CDCA2: variants seen among roughly 807,000 people sequenced by gnomAD.
CDCA2 encodes cell division cycle-associated protein 2.
A neutral mutation model predicts 67.0 loss-of-function variants in CDCA2; 44 were observed. That is an observed-to-expected ratio of 0.66 (90% confidence interval 0.52 to 0.84). The LOEUF is 0.84. Ranked by LOEUF, CDCA2 falls within the 40% of genes least tolerant of loss-of-function variation. The pLI, the probability that CDCA2 is intolerant of heterozygous loss-of-function variation, is 0.00. For synonymous variants in CDCA2, 447 were observed against 418.7 expected (o/e 1.07, Z -0.82); for missense variants, 1,253 against 1,203.2 (o/e 1.04, Z -0.61).
intron 4 of CDCA2, among the ~76,000 whole-genome samples, chr8:25,462,556 G>GCA: frequency 6.6e-6 from 1 of 152,016 alleles, no homozygotes; most frequent in Non-Finnish European, 1.5e-5. Flanking sequence ...AACCTGGGAG[G>GCA]CAGAGGTTGC....
At chr8:25,487,376 G>C in intron 12 of CDCA2, 42 bp downstream of exon 12, 3 of 1,294,304 alleles carry the variant, frequency 2.3e-6, no homozygotes, top group Middle Eastern at 1.9e-4. Context: ...TTTTTAAATC[G>C]TGCAATATAC....
chr8:25,500,058 T>C (rs1804410701), intron 13 of CDCA2, among the ~76,000 whole-genome samples: 2 of 152,202 alleles, frequency 1.3e-5, no homozygotes, highest in South Asian at 4.1e-4. Context: ...GGTAATATAC[T>C]TCTCTTGGCC....
chr8:25,498,072 G>A (rs1804306818), intron 13 of CDCA2, among the ~76,000 whole-genome samples: 1 of 152,170 alleles, frequency 6.6e-6, no homozygotes, highest in Non-Finnish European at 1.5e-5. Flanking sequence ...TGGTATGTGT[G>A]GAGATCTTAT....
intron 7 of CDCA2, among the ~76,000 whole-genome samples, chr8:25,472,685 T>C (rs1803204313): frequency 6.6e-6 from 1 of 152,250 alleles, no homozygotes; most frequent in Non-Finnish European, 1.5e-5. Flanking sequence ...TAGTGTGTCA[T>C]GTAATTGTTT....
chr8:25,505,084 G>C (rs1804624876), intron 14 of CDCA2, among the ~76,000 whole-genome samples: 1 of 152,122 alleles, frequency 6.6e-6, no homozygotes, highest in Non-Finnish European at 1.5e-5. Flanking sequence ...AAGCAATTCA[G>C]CTCCTTGCTT....
intron 7 of CDCA2, among the ~76,000 whole-genome samples, chr8:25,477,284 C>G (rs1309971833): frequency 6.6e-6 from 1 of 152,206 alleles, no homozygotes. Flanking sequence ...GGATGTCATT[C>G]TCATTTTCCC....
intron 13 of CDCA2, among the ~76,000 whole-genome samples, chr8:25,497,493 AAAAAATAAAAAAT>A (rs1481946574): frequency 1.7e-4 from 1 of 6,000 alleles, no homozygotes; most frequent in Non-Finnish European, 5.0e-3. Context: ...TGGAATCTTT[AAAAAATAAAAAAT>A]AAAAAAAAAA....
rs1433902841 is a variant in CDCA2, at chr8:25,506,912, T to A, written c.2246T>A (p.Leu749His). 1 of 1,612,620 alleles carries A rather than the reference T, an allele frequency of 6.2e-7. No individual in the cohort carries two copies. The highest frequency in any genetic ancestry group is 1.3e-5 in the African/African-American group (1 of 74,822). ...GCTGGTGGTCAAAATGCAGAAAACC[T>A]TTGTCAGTTCTTTAAAATTTCACCA... Reference protein sequence around the residue: ...FSAGGQNAENLCQFFKISPDL... With the variant: ...FSAGGQNAENHCQFFKISPDL... The change falls in exon 15 of 15, where the codon CTT becomes CAT. Residue 749 changes from leucine (L) to histidine (H), a missense_variant. Coordinates refer to ENST00000330560, the MANE Select transcript of CDCA2 (RefSeq NM_152562.4).
chr8:25,503,593 C>T, intron 14 of CDCA2, 49 bp downstream of exon 14: 1 of 1,527,694 alleles, frequency 6.5e-7, no homozygotes, highest in Non-Finnish European at 8.8e-7. Flanking sequence ...TCTCTTCACC[C>T]TCTTTGTTGC....
chr8:25,470,233 T>G (rs1280811990), intron 7 of CDCA2, among the ~76,000 whole-genome samples: 2 of 152,212 alleles, frequency 1.3e-5, no homozygotes, highest in Non-Finnish European at 2.9e-5. Flanking sequence ...TATGAACATA[T>G]TAACAAGTAT....
At chr8:25,487,462 C>G (rs1210016923) in intron 12 of CDCA2, 128 bp downstream of exon 12, 2 of 656,614 alleles carry the variant, frequency 3.0e-6, no homozygotes, top group Non-Finnish European at 2.6e-6. Context: ...AATACTTTGG[C>G]CAGGCACCGT....
chr8:25,502,027 A>G (rs1165074919), intron 13 of CDCA2, among the ~76,000 whole-genome samples: 1 of 152,102 alleles, frequency 6.6e-6, no homozygotes, highest in Non-Finnish European at 1.5e-5. Flanking sequence ...TCTCCTGAGT[A>G]GCTGGGACTA....
intron 4 of CDCA2, among the ~76,000 whole-genome samples, chr8:25,465,015 G>A (rs898094892): frequency 2.6e-5 from 4 of 151,954 alleles, no homozygotes; most frequent in Non-Finnish European, 4.4e-5. Flanking sequence ...GCTCTGTTAC[G>A]CAGCCTGAAG....
At chr8:25,472,392 C>T (rs1177071748) in intron 7 of CDCA2, among the ~76,000 whole-genome samples, 1 of 151,980 alleles carries the variant, frequency 6.6e-6, no homozygotes, top group African/African-American at 2.4e-5. Context: ...GCTGGGATTA[C>T]AGGTACCCGC....
At chr8:25,487,470 C>G in intron 12 of CDCA2, 136 bp downstream of exon 12, 1 of 616,120 alleles carries the variant, frequency 1.6e-6, no homozygotes, top group Non-Finnish European at 2.8e-6. Context: ...GGCCAGGCAC[C>G]GTGGTTCACG....
chr8:25,463,257 A>AT (rs1331205295), intron 4 of CDCA2, among the ~76,000 whole-genome samples: 1 of 152,122 alleles, frequency 6.6e-6, no homozygotes, highest in Non-Finnish European at 1.5e-5. Flanking sequence ...GTTTTTTCAA[A>AT]TTTTTATACA....
intron 3 of CDCA2, 72 bp from the exon 4 acceptor site, chr8:25,461,982 A>T (rs2117473833): frequency 7.0e-7 from 1 of 1,433,764 alleles, no homozygotes. Context: ...AGGCTGGTAC[A>T]TCACGAGTAT....
At chr8:25,487,410 A>G (rs1473909813) in intron 12 of CDCA2, 76 bp downstream of exon 12, 3 of 914,436 alleles carry the variant, frequency 3.3e-6, no homozygotes, top group East Asian at 2.5e-5. Flanking sequence ...TGGCCAAATG[A>G]TAATGGGTGA....
At position 25,459,425 on chromosome 8, in the gene CDCA2, C is replaced by T; in HGVS notation, c.-49C>T. 6.6e-6 allele frequency: 1 copy of T among 152,044 alleles called. No individual in the cohort carries two copies. The highest frequency in any genetic ancestry group is 1.5e-5 in the Non-Finnish European group (1 of 68,062). The allele number at this position is 152,044 out of a possible 1,614,324, so 9.4% of individuals were successfully genotyped here. A position where few individuals can be genotyped will look rare whatever the true frequency, so the allele number is the denominator to read the frequency against. Reference sequence around the variant, plus strand: ...CGCGACGCTCGCCTGCCACGGGGCTCTGGGAGTAAGCCTGTCTGCCTGGCG... The same window carrying T: ...CGCGACGCTCGCCTGCCACGGGGCTTTGGGAGTAAGCCTGTCTGCCTGGCG... On this transcript the variant is annotated 5_prime_UTR_variant, in exon 1 of 15. Coordinates refer to ENST00000330560, the MANE Select transcript of CDCA2 (RefSeq NM_152562.4).
Sources: gnomAD v4.1 joint callset for allele counts (sites outside exome capture counted in the v4.1 genomes callset) on GRCh38, gnomAD v4.1.1 for gene constraint, MANE v1.5 for transcripts, NCBI Gene and HGNC (gene_info 2026-07-23, HGNC 2026-07-21) for gene names.